Variants in RGS7 observed in about 807,000 individuals in gnomAD.
RGS7 encodes regulator of G-protein signaling 7.
In RGS7, 27 loss-of-function variants were observed where a neutral mutation model predicts 81.1. The observed-to-expected ratio is 0.33, with a 90% CI of 0.25 to 0.46. RGS7 has a LOEUF of 0.46. RGS7 is among the 20% of genes least tolerant of loss of function. The pLI, the probability that RGS7 is intolerant of heterozygous loss-of-function variation, is 1.00. For missense variants in RGS7, 396 were observed against 607.4 expected, an observed-to-expected ratio of 0.65 and a Z score of 3.66; for synonymous variants, 208 against 207.7, an observed-to-expected ratio of 1.00 and a Z score of -0.01.
chr1:240,819,289 A>G (rs1691356573), intron 10 of RGS7, among the ~76,000 whole-genome samples: 1 of 152,218 alleles, frequency 6.6e-6, no homozygotes, highest in African/African-American at 2.4e-5. Context: ...TTTTAACAGT[A>G]AGTTTTTAGG....
At chr1:240,996,548 A>G (rs6660065) in intron 3 of RGS7, among the ~76,000 whole-genome samples, 32,944 of 152,028 alleles carry the variant, frequency 0.22, 5,163 homozygotes, top group African/African-American at 0.45. Context: ...TTATTATCTA[A>G]TGACCCCCTT....
Position 241,271,888 on chromosome 1 carries a change from TG to T in RGS7, c.78+83810del, listed in dbSNP as rs2077919541. ...ACACAAGCCAAATCTTTATAACGTGTGTGTGTGTGTGTGTGTGTGTGTGTGT... is the reference window on the plus strand; with the variant it reads ...ACACAAGCCAAATCTTTATAACGTGTTGTGTGTGTGTGTGTGTGTGTGTGT... On this transcript the variant is annotated intron_variant, in intron 2 of 18. Coordinates refer to ENST00000440928, the MANE Select transcript of RGS7 (RefSeq NM_001364886.1). This position sits in a 1 kb window ranked among gnomAD's most constrained non-coding sequence, Gnocchi z 4.6. Among the ~76,000 whole-genome samples, 1 of 7,244 alleles carries T rather than the reference TG, an allele frequency of 1.4e-4. No homozygotes were observed. The highest frequency in any genetic ancestry group is 3.4e-4 in the Non-Finnish European group (1 of 2,922). The allele number at this position is 7,244 out of a possible 152,430, so 4.8% of individuals were successfully genotyped here. A position where few individuals can be genotyped will look rare whatever the true frequency, so the allele number is the denominator to read the frequency against.
chr1:241,100,713 G>C (rs1191748760), intron 2 of RGS7, among the ~76,000 whole-genome samples: 1 of 152,166 alleles, frequency 6.6e-6, no homozygotes, highest in Non-Finnish European at 1.5e-5. Context: ...TTGGGCCTAG[G>C]GTGGGGTAAA....
intron 3 of RGS7, among the ~76,000 whole-genome samples, chr1:241,016,699 A>T (rs1379614354): frequency 1.3e-5 from 2 of 152,206 alleles, no homozygotes; most frequent in African/African-American, 4.8e-5. Flanking sequence ...TACTTCTGTC[A>T]TGTAGCATTT....
chr1:241,063,190 T>C (rs528989782), intron 3 of RGS7, among the ~76,000 whole-genome samples: 1 of 152,340 alleles, frequency 6.6e-6, no homozygotes, highest in South Asian at 2.1e-4. Context: ...ATCCCAACTT[T>C]TATAATGACA....
At chr1:240,802,185 TCA>T (rs1207287541) in intron 16 of RGS7, among the ~76,000 whole-genome samples, 3 of 152,160 alleles carry the variant, frequency 2.0e-5, no homozygotes, top group Admixed American at 2.0e-4. Context: ...TAATTTAAAC[TCA>T]GAGTTTCAAG....
intron 18 of RGS7, among the ~76,000 whole-genome samples, chr1:240,793,601 A>ATT (rs1407506357): frequency 9.8e-6 from 1 of 101,948 alleles, no homozygotes; most frequent in Non-Finnish European, 1.8e-5. Flanking sequence ...ATATATATAT[A>ATT]TATATATATA....
intron 2 of RGS7, among the ~76,000 whole-genome samples, chr1:241,237,999 C>T (rs1343232248): frequency 2.0e-5 from 3 of 152,206 alleles, no homozygotes; most frequent in Admixed American, 2.0e-4. Flanking sequence ...CCAAGACCGT[C>T]GCTGGGACTA....
At chr1:241,079,798 G>C (rs187422774) in intron 3 of RGS7, among the ~76,000 whole-genome samples, 16 of 151,906 alleles carry the variant, frequency 1.1e-4, no homozygotes, top group African/African-American at 1.5e-4. Flanking sequence ...AATTCAAAGA[G>C]AGCAAGCCAT....
intron 3 of RGS7, among the ~76,000 whole-genome samples, chr1:241,091,009 CAG>C (rs964276843): frequency 2.6e-5 from 4 of 152,134 alleles, no homozygotes; most frequent in Admixed American, 2.0e-4. Context: ...TGGTGAGAAA[CAG>C]AATGGGATTT....
intron 6 of RGS7, among the ~76,000 whole-genome samples, chr1:240,874,826 A>AG (rs1665093299): frequency 6.6e-6 from 1 of 152,212 alleles, no homozygotes; most frequent in African/African-American, 2.4e-5. Flanking sequence ...AGATCACTTG[A>AG]GCTCAGGAGC....
intron 14 of RGS7, 83 bp downstream of exon 14, chr1:240,811,835 A>C (rs2103097500): frequency 8.3e-7 from 1 of 1,207,834 alleles, no homozygotes; most frequent in Non-Finnish European, 1.2e-6. Context: ...GTGGAAGAAT[A>C]ATTGATCTAT....
intron 4 of RGS7, among the ~76,000 whole-genome samples, chr1:240,977,998 T>C (rs1240117560): frequency 6.6e-6 from 1 of 152,192 alleles, no homozygotes; most frequent in Non-Finnish European, 1.5e-5. Context: ...CATGATATCA[T>C]GGTGACATCC....
intron 6 of RGS7, among the ~76,000 whole-genome samples, chr1:240,888,742 A>C (rs1377807953): frequency 6.6e-6 from 1 of 151,992 alleles, no homozygotes; most frequent in Non-Finnish European, 1.5e-5. Flanking sequence ...TTTAGGCTGG[A>C]TGAGAGGACG....
At chr1:240,965,805 T>C (rs1682192285) in intron 4 of RGS7, among the ~76,000 whole-genome samples, 1 of 152,220 alleles carries the variant, frequency 6.6e-6, no homozygotes, top group Non-Finnish European at 1.5e-5. Context: ...ATAATTTGTT[T>C]CCGTTTACAG....
chr1:241,257,477 A>G (rs1311565802), intron 2 of RGS7, among the ~76,000 whole-genome samples: 1 of 152,170 alleles, frequency 6.6e-6, no homozygotes, highest in East Asian at 1.9e-4. Flanking sequence ...TTTCCAAAAA[A>G]CTTAAACCAA....
At chr1:241,329,053 C>T (rs1002223585) in intron 2 of RGS7, among the ~76,000 whole-genome samples, 3 of 152,096 alleles carry the variant, frequency 2.0e-5, no homozygotes, top group Admixed American at 2.0e-4. Context: ...TGAAAATAAC[C>T]ATTGCTGTTA....
chr1:240,917,958 T>A (rs369591176), intron 6 of RGS7, among the ~76,000 whole-genome samples: 77 of 152,254 alleles, frequency 5.1e-4, no homozygotes, highest in Middle Eastern at 3.4e-3. Context: ...CTAAATTAGA[T>A]AAATTAATTT....
At chr1:240,794,699 T>A (rs1340386031) in intron 18 of RGS7, among the ~76,000 whole-genome samples, 1 of 152,140 alleles carries the variant, frequency 6.6e-6, no homozygotes, top group Non-Finnish European at 1.5e-5. Flanking sequence ...CCAAGTAGAT[T>A]TGACACTGTA....
Sources: allele counts gnomAD v4.1 joint callset (sites outside exome capture counted in the v4.1 genomes callset), GRCh38; gene constraint gnomAD v4.1.1; non-coding constraint Gnocchi (gnomAD v3.1); transcripts MANE v1.5; gene names NCBI Gene and HGNC (gene_info 2026-07-23, HGNC 2026-07-21).